The following FOXP1 variants were observed in gnomAD, a reference collection of about 807,000 sequenced individuals.
FOXP1 encodes forkhead box P1, also known as forkhead box protein P1.
Under a neutral mutation model 98.2 loss-of-function variants are expected in FOXP1, and 15 were observed. That is an observed-to-expected ratio of 0.15 (90% CI 0.10 to 0.24). FOXP1 has a LOEUF of 0.24. Ranked by LOEUF, FOXP1 falls within the 10% of genes least tolerant of loss-of-function variation. The probability of loss-of-function intolerance (pLI) is 1.00; values close to 1 mark genes in which losing one functional copy is unlikely to be tolerated. For synonymous variants in FOXP1, 371 were observed against 314.5 expected (o/e 1.18, Z -1.90); for missense variants, 633 against 848.5 (o/e 0.75, Z 3.15).
chr3:71,167,164 G>C (rs536109850), intron 6 of FOXP1, among the ~76,000 whole-genome samples: 2 of 152,176 alleles, frequency 1.3e-5, no homozygotes, highest in Admixed American at 1.3e-4. Context: ...ATGTGGAACT[G>C]AGCAAAGTGA....
chr3:71,495,623 A>G (rs2091354399), intron 2 of FOXP1, among the ~76,000 whole-genome samples: 1 of 152,198 alleles, frequency 6.6e-6, no homozygotes, highest in African/African-American at 2.4e-5. Context: ...CTATTCTTAC[A>G]ACAAAGTTCT....
intron 5 of FOXP1, among the ~76,000 whole-genome samples, chr3:71,291,914 C>T (rs564053789): frequency 6.6e-6 from 1 of 151,860 alleles, no homozygotes; most frequent in South Asian, 2.1e-4. Context: ...ACCATGTTGG[C>T]CAGGATGATT....
chr3:70,981,116 A>T (rs1308472370), intron 14 of FOXP1, among the ~76,000 whole-genome samples: 1 of 150,732 alleles, frequency 6.6e-6, no homozygotes, highest in African/African-American at 2.4e-5. Context: ...TCCCACAGTA[A>T]AATGTCATCA....
At position 71,300,667 on chromosome 3, in the gene FOXP1, G is replaced by A. The variant is rs917311577; in HGVS notation, c.-72-787C>T. On this transcript the variant is annotated intron_variant, in intron 4 of 20. Transcript: ENST00000649528. ...TGTAACTGGGATCAACATATGGCAC[G>A]AGTGAAAAGAAAAACATTTGTTTAT... is the stretch of plus-strand genomic sequence containing the variant. Among the ~76,000 whole-genome samples, 49 of 152,108 alleles carry A rather than the reference G, an allele frequency of 3.2e-4. 2 individuals are homozygous for A. Among genetic ancestry groups the A allele is most frequent in the East Asian group, 1.9e-4 (1 of 5,186 alleles).
intron 2 of FOXP1, among the ~76,000 whole-genome samples, chr3:71,493,771 G>A (rs1316340902): frequency 6.6e-6 from 1 of 152,180 alleles, no homozygotes; most frequent in East Asian, 1.9e-4. Flanking sequence ...CACGTACACT[G>A]TAAAGTTGTT....
intron 5 of FOXP1, among the ~76,000 whole-genome samples, chr3:71,268,778 T>G (rs1330506126): frequency 1.3e-5 from 2 of 152,148 alleles, no homozygotes; most frequent in African/African-American, 4.8e-5. Context: ...AACCTGGGGA[T>G]GTCTAACAAG....
At chr3:71,170,965 T>C (rs1049934958) in intron 6 of FOXP1, among the ~76,000 whole-genome samples, 6 of 152,180 alleles carry the variant, frequency 3.9e-5, no homozygotes, top group African/African-American at 7.2e-5. Context: ...TATCTGTACT[T>C]TAACTGGTCT....
chr3:71,157,306 T>C (rs973172161), intron 6 of FOXP1, among the ~76,000 whole-genome samples: 8 of 152,216 alleles, frequency 5.3e-5, no homozygotes, highest in African/African-American at 1.9e-4. Context: ...CTTCTCAATC[T>C]TGAATGCCTC....
rs185420766 is a variant in FOXP1, at chr3:71,164,238, C to T, written c.180+33964G>A. Among the ~76,000 whole-genome samples the T allele has an allele frequency of 8.4e-3, 1,283 of 152,042 alleles. 11 individuals are homozygous for T. Among genetic ancestry groups the T allele is most frequent in the African/African-American group, 0.028 (1,154 of 41,444 alleles). On this transcript the variant is annotated intron_variant, in intron 6 of 20. Transcript: ENST00000649528. ...TTTTTGAAACAGAGTCTTGCTCAGT[C>T]GCCCAGGCTGGAGTGCAGTGGCGCA...
chr3:71,569,491 T>C (rs2047165780), intron 2 of FOXP1, among the ~76,000 whole-genome samples: 1 of 152,134 alleles, frequency 6.6e-6, no homozygotes, highest in African/African-American at 2.4e-5. Context: ...GAAGAGCAAG[T>C]ACTTATTAAG....
chr3:71,517,504 G>T (rs1288379613), intron 2 of FOXP1, among the ~76,000 whole-genome samples: 1 of 152,158 alleles, frequency 6.6e-6, no homozygotes, highest in Non-Finnish European at 1.5e-5. Flanking sequence ...ATTGTCAGTG[G>T]AATGATGTTT....
intron 3 of FOXP1, among the ~76,000 whole-genome samples, chr3:71,383,510 G>A (rs1046222332): frequency 2.0e-5 from 3 of 152,062 alleles, no homozygotes; most frequent in African/African-American, 7.2e-5. Context: ...TTGATTAAAG[G>A]GAAATACATG....
At chr3:71,238,090 T>G (rs1394564861) in intron 5 of FOXP1, among the ~76,000 whole-genome samples, 1 of 152,176 alleles carries the variant, frequency 6.6e-6, no homozygotes, top group East Asian at 1.9e-4. Flanking sequence ...TATATGAAAT[T>G]AATAAATCAA....
chr3:71,236,899 G>T (rs2066831522), intron 5 of FOXP1, among the ~76,000 whole-genome samples: 1 of 150,090 alleles, frequency 6.7e-6, no homozygotes, highest in African/African-American at 2.4e-5. Flanking sequence ...AAAAGAAAAA[G>T]AAAAAAATAA....
intron 7 of FOXP1, among the ~76,000 whole-genome samples, chr3:71,105,070 C>A (rs1179940960): frequency 6.6e-6 from 1 of 152,196 alleles, no homozygotes; most frequent in East Asian, 1.9e-4. Flanking sequence ...GATTGTGGAA[C>A]CACGTTGCTT....
chr3:71,581,356 A>G lies in FOXP1; in HGVS notation c.-298+193T>C, dbSNP rs143792292. 3,032 of 985,354 alleles carry G rather than the reference A, an allele frequency of 3.1e-3. 12 individuals carry two copies. In the Middle Eastern group the frequency reaches 0.032, roughly 10 times the overall value. The allele number at this position is 985,354 out of a possible 1,614,324, so 61.0% of individuals were successfully genotyped here. The stretch of plus-strand genomic sequence containing the variant: ...TTCAGATTTAGGAAAGAAAGAGGGG[A>G]AAAGGGTGGAGGGGAGGAAGTCCAG... On this transcript the variant is annotated intron_variant, in intron 2 of 20. Transcript: ENST00000649528.
In FOXP1 at chr3:70,984,526, A is replaced by G. The variant is rs914654937; in HGVS notation, c.1146+3468T>C. ...CTGTTATTTCTTTTACCAGACTCTG[A>G]ACACCTCCATGGCAGGGATGGGCCT... On this transcript the variant is annotated intron_variant, in intron 14 of 20. Coordinates refer to ENST00000649528, the MANE Select transcript of FOXP1 (RefSeq NM_001349338.3). Among the ~76,000 whole-genome samples, 6 of 152,184 alleles carry G rather than the reference A, an allele frequency of 3.9e-5. No homozygotes were observed. In the South Asian group the frequency reaches 1.2e-3, roughly 32 times the overall value.
At chr3:70,961,311 A>G (rs546709781) in intron 20 of FOXP1, among the ~76,000 whole-genome samples, 54 of 151,978 alleles carry the variant, frequency 3.6e-4, no homozygotes, top group African/African-American at 1.2e-3. Flanking sequence ...GCTCACTGCA[A>G]CCTCCAACCC....
At chr3:71,541,664 C>T (rs1395840673) in intron 2 of FOXP1, among the ~76,000 whole-genome samples, 1 of 151,850 alleles carries the variant, frequency 6.6e-6, no homozygotes, top group South Asian at 2.1e-4. Context: ...GCGTATTTCA[C>T]CAGAATTTAC....
Sources: gnomAD v4.1 joint callset for allele counts (sites outside exome capture counted in the v4.1 genomes callset) on GRCh38, gnomAD v4.1.1 for gene constraint, MANE v1.5 for transcripts, NCBI Gene and HGNC (gene_info 2026-07-23, HGNC 2026-07-21) for gene names.